GRAMD1B: variants seen among roughly 807,000 people sequenced by gnomAD.
The protein encoded by GRAMD1B is protein Aster-B.
In GRAMD1B, 37 loss-of-function variants were observed where a neutral mutation model predicts 99.7. That is an observed-to-expected ratio of 0.37 (90% confidence interval 0.29 to 0.49). GRAMD1B has a LOEUF of 0.49. GRAMD1B is among the 20% of genes least tolerant of loss of function. The pLI, the probability that GRAMD1B is intolerant of heterozygous loss-of-function variation, is 0.98. For synonymous variants in GRAMD1B, 427 were observed against 387.6 expected, an observed-to-expected ratio of 1.10 and a Z score of -1.19; for missense variants, 888 against 1,009.2, an observed-to-expected ratio of 0.88 and a Z score of 1.63.
rs1290708400 is a variant in GRAMD1B at position 123,591,152 on chromosome 11, G to A, written c.685-2930G>A. Reference sequence around the variant, plus strand: ...CAGAGCCCGCCATGGGAGACTGGCTGGCCAGCTTGTCCTGAGAACCACGCT... The same window carrying A: ...CAGAGCCCGCCATGGGAGACTGGCTAGCCAGCTTGTCCTGAGAACCACGCT... On this transcript the variant is annotated intron_variant, in intron 4 of 19. Coordinates refer to ENST00000635736, the MANE Select transcript of GRAMD1B (RefSeq NM_001387025.1). The surrounding 1 kb of genome is among the most constrained non-coding windows in gnomAD (Gnocchi z 4.7). 2.9e-5 allele frequency: 10 copies of A among 339,078 alleles called. No homozygotes were observed. The East Asian group carries it at 4.4e-4, about 15-fold the overall frequency. 21.0% of individuals were successfully genotyped at this position (339,078 alleles called of 1,614,324 possible).
rs1953448360 is a variant in GRAMD1B at position 123,610,884 on chromosome 11, A to G, written c.1919+546A>G. Reference sequence around the variant, plus strand: ...GCTGGGCCTGCACGTATCAGAGTCCAGAGAACACTTATTAGTGAATAATTA... The same window carrying G: ...GCTGGGCCTGCACGTATCAGAGTCCGGAGAACACTTATTAGTGAATAATTA... On this transcript the variant is annotated intron_variant, in intron 14 of 19. Transcript: ENST00000635736. This position sits in a 1 kb window ranked among gnomAD's most constrained non-coding sequence, Gnocchi z 4.1. Among the ~76,000 whole-genome samples, 1 of 152,216 alleles carries G rather than the reference A, an allele frequency of 6.6e-6. No homozygotes were observed. Among genetic ancestry groups the G allele is most frequent in the Admixed American group, 6.5e-5 (1 of 15,288 alleles).
chr11:123,402,112 T>C (rs1453475236), intron 1 of GRAMD1B, among the ~76,000 whole-genome samples: 3 of 152,126 alleles, frequency 2.0e-5, no homozygotes, highest in African/African-American at 4.8e-5. Context: ...GCTTCCCTGG[T>C]TCAAGCGATT....
At chr11:123,472,978 A>G (rs1565528650) in intron 1 of GRAMD1B, among the ~76,000 whole-genome samples, 1 of 152,242 alleles carries the variant, frequency 6.6e-6, no homozygotes, top group Non-Finnish European at 1.5e-5. Flanking sequence ...GCTCTTTGTT[A>G]GAAAAGAAAA....
At chr11:123,522,183 G>A (rs1852054215) in intron 2 of GRAMD1B, among the ~76,000 whole-genome samples, 3 of 152,204 alleles carry the variant, frequency 2.0e-5, no homozygotes, top group Admixed American at 6.5e-5. Context: ...TCAAACCATG[G>A]AGACTGCTTT....
intron 1 of GRAMD1B, among the ~76,000 whole-genome samples, chr11:123,406,162 C>A (rs1947849058): frequency 6.6e-6 from 1 of 151,694 alleles, no homozygotes; most frequent in Non-Finnish European, 1.5e-5. Flanking sequence ...CGGGTTTTCA[C>A]TATGTTGGCC....
At chr11:123,570,938 G>T (rs1038577243) in intron 2 of GRAMD1B, among the ~76,000 whole-genome samples, 2 of 152,176 alleles carry the variant, frequency 1.3e-5, no homozygotes, top group African/African-American at 4.8e-5. Flanking sequence ...AAGAAACAAC[G>T]AAGTCAACAC....
intron 4 of GRAMD1B, among the ~76,000 whole-genome samples, chr11:123,586,834 C>T (rs1374918377): frequency 1.3e-5 from 2 of 152,240 alleles, no homozygotes; most frequent in Admixed American, 6.5e-5. Context: ...CTGACTGTCC[C>T]TCTATAACCT....
At chr11:123,583,945 A>G (rs1381903727) in intron 3 of GRAMD1B, among the ~76,000 whole-genome samples, 1 of 152,132 alleles carries the variant, frequency 6.6e-6, no homozygotes, top group East Asian at 1.9e-4. Flanking sequence ...GTTGGCCGCC[A>G]TCAGCATTTT....
intron 2 of GRAMD1B, among the ~76,000 whole-genome samples, chr11:123,566,000 C>T (rs925556248): frequency 6.6e-6 from 1 of 152,290 alleles, no homozygotes; most frequent in Non-Finnish European, 1.5e-5. Context: ...TCTGTACTCT[C>T]ATCCCGTGTC....
chr11:123,463,822 A>G (rs147535743), intron 1 of GRAMD1B, among the ~76,000 whole-genome samples: 119 of 152,334 alleles, frequency 7.8e-4, no homozygotes, highest in Non-Finnish European at 1.6e-3. Context: ...ATGAATGTGC[A>G]TGGGAGATTT....
chr11:123,528,833 A>T (rs2714068), intron 2 of GRAMD1B, among the ~76,000 whole-genome samples: 1 of 152,042 alleles, frequency 6.6e-6, no homozygotes, highest in East Asian at 1.9e-4. Context: ...AGGTAGGGAA[A>T]TGGAGGCACA....
chr11:123,359,407 T>C (rs1314332812), intron 1 of GRAMD1B, among the ~76,000 whole-genome samples: 1 of 151,942 alleles, frequency 6.6e-6, no homozygotes, highest in Non-Finnish European at 1.5e-5. Context: ...AGAGGTTCCA[T>C]CCCAGAGGAA....
At position 123,369,369 on chromosome 11, in the gene GRAMD1B, G is replaced by C. The variant is rs549949623; in HGVS notation, c.-176+10570G>C. On this transcript the variant is annotated intron_variant, in intron 1 of 20. Coordinates refer to the GRAMD1B transcript ENST00000638157. ...ATAAGAAATATCTAGATAGGGAGAGGTTGCAAATATAGAAAGAAGAGACAG... is the reference window on the plus strand; with the variant it reads ...ATAAGAAATATCTAGATAGGGAGAGCTTGCAAATATAGAAAGAAGAGACAG... 2.6e-5 allele frequency among the ~76,000 whole-genome samples: 4 copies of C among 152,106 alleles called. No individual in the cohort carries two copies. In the South Asian group the frequency reaches 8.3e-4, roughly 32 times the overall value.
intron 7 of GRAMD1B, chr11:123,597,910 G>T: frequency 1.0e-6 from 1 of 956,702 alleles, no homozygotes; most frequent in Non-Finnish European, 1.7e-6. Context: ...GGAAGCCTGG[G>T]CTAGCCCCAA....
At chr11:123,557,807 T>C (rs576073778) in intron 2 of GRAMD1B, among the ~76,000 whole-genome samples, 2 of 152,158 alleles carry the variant, frequency 1.3e-5, no homozygotes, top group Non-Finnish European at 2.9e-5. Flanking sequence ...TGTAAGCCCA[T>C]ATACAGCTGT....
chr11:123,502,138 G>C (rs970489997), intron 2 of GRAMD1B, among the ~76,000 whole-genome samples: 5 of 152,130 alleles, frequency 3.3e-5, no homozygotes, highest in Non-Finnish European at 5.9e-5. Context: ...AGGCTGCTAG[G>C]GATCTGTGAG....
In GRAMD1B at chr11:123,430,407, C is replaced by T. The variant is rs1948816606; in HGVS notation, c.-386C>T. 2 of 226,604 alleles carry T rather than the reference C, an allele frequency of 8.8e-6. No homozygotes were observed. The highest frequency in any genetic ancestry group is 4.6e-5 in the African/African-American group (2 of 43,352). 14.0% of individuals were successfully genotyped at this position (226,604 alleles called of 1,614,324 possible). A position where few individuals can be genotyped will look rare whatever the true frequency, so the allele number is the denominator to read the frequency against. ...CGCTGAGAGTTTGCTGCACCGCCCC[C>T]TGGGGCCCCTGGCTGCCGAGTCCCG... On this transcript the variant is annotated 5_prime_UTR_variant, in exon 1 of 20. Transcript: ENST00000635736.
At chr11:123,534,589 G>A (rs773015753) in intron 2 of GRAMD1B, among the ~76,000 whole-genome samples, 2 of 152,226 alleles carry the variant, frequency 1.3e-5, no homozygotes, top group Middle Eastern at 3.4e-3. Flanking sequence ...CAGGCCTGGC[G>A]CAGTGGCTCA....
chr11:123,584,477 G>C (rs969204772), intron 4 of GRAMD1B, 145 bp downstream of exon 4: 2 of 99,028 alleles, frequency 2.0e-5, no homozygotes, highest in African/African-American at 7.5e-5. Flanking sequence ...CAGCTGCAGC[G>C]GTTATTTTCT....
Sources: gnomAD v4.1 joint callset for allele counts (sites outside exome capture counted in the v4.1 genomes callset) on GRCh38, gnomAD v4.1.1 for gene constraint, Gnocchi (gnomAD v3.1) non-coding constraint, MANE v1.5 for transcripts, NCBI Gene and HGNC (gene_info 2026-07-23, HGNC 2026-07-21) for gene names.